The following MTCL1 variants were observed in gnomAD, a reference collection of about 807,000 sequenced individuals.
MTCL1 encodes the protein microtubule crosslinking factor 1.
Under a neutral mutation model 141.4 loss-of-function variants are expected in MTCL1, and 79 were observed. That is an observed-to-expected ratio of 0.56 (90% CI 0.47 to 0.67). The LOEUF (loss-of-function observed/expected upper bound fraction) is 0.67, where lower values mean the gene tolerates loss of function less well. Among genes scored for constraint, MTCL1 ranks in the 30% least tolerant of loss-of-function variants. The pLI, the probability that MTCL1 is intolerant of heterozygous loss-of-function variation, is 0.00. For missense variants in MTCL1, 2,177 were observed against 2,113.9 expected, an observed-to-expected ratio of 1.03 and a Z score of -0.59; for synonymous variants, 914 against 875.8, an observed-to-expected ratio of 1.04 and a Z score of -0.77.
intron 11 of MTCL1, chr18:8,812,751 A>G (rs2076529850): frequency 1.9e-6 from 1 of 513,394 alleles, no homozygotes; most frequent in Non-Finnish European, 3.5e-6. Context: ...AAAGTGGAGC[A>G]GGGAAGCTGG....
chr18:8,831,465 A>C lies in MTCL1; in HGVS notation c.*19-142A>C. ...TTATTTTAAGTTATTCTGCATGAGC[A>C]TAGAAAGTAGTTAATATTCACGAGT... On this transcript the variant is annotated intron_variant, in intron 16 of 16. Coordinates refer to ENST00000359865, the Ensembl canonical transcript of MTCL1. The C allele has an allele frequency of 2.1e-6, 3 of 1,444,500 alleles. No homozygotes were observed. In the South Asian group the frequency reaches 4.5e-5, roughly 22 times the overall value. The allele number at this position is 1,444,500 out of a possible 1,614,324, so 89.5% of individuals were successfully genotyped here.
At chr18:8,751,348 G>A (rs2096370221) in intron 4 of MTCL1, among the ~76,000 whole-genome samples, 1 of 152,160 alleles carries the variant, frequency 6.6e-6, no homozygotes, top group South Asian at 2.1e-4. Flanking sequence ...CATTAAACAT[G>A]CCTCTTTTGG....
intron 5 of MTCL1, among the ~76,000 whole-genome samples, chr18:8,780,063 C>T (rs776083069): frequency 3.9e-5 from 6 of 152,178 alleles, no homozygotes; most frequent in Non-Finnish European, 8.8e-5. Context: ...CAGATAAGCA[C>T]GTATAACCTC....
chr18:8,812,360 C>T (rs1021186064), intron 11 of MTCL1, among the ~76,000 whole-genome samples: 2 of 152,152 alleles, frequency 1.3e-5, no homozygotes, highest in Admixed American at 6.5e-5. Flanking sequence ...TTTCTGCGTA[C>T]AGAATTGTGT....
intron 15 of MTCL1, among the ~76,000 whole-genome samples, chr18:8,826,665 C>G (rs1394542234): frequency 6.6e-6 from 1 of 152,186 alleles, no homozygotes; most frequent in African/African-American, 2.4e-5. Context: ...GTCTGGACCA[C>G]ATGAGCACGA....
chr18:8,830,512 C>G lies in MTCL1; in HGVS notation c.*19-1095C>G. The G allele has an allele frequency of 1.0e-6, 1 of 986,122 alleles. No individual in the cohort carries two copies. Among genetic ancestry groups the G allele is most frequent in the Non-Finnish European group, 1.2e-6 (1 of 830,470 alleles). 61.1% of individuals were successfully genotyped at this position (986,122 alleles called of 1,614,324 possible). Reference sequence around the variant, plus strand: ...AGTGACACTGCCCATTCCGTGCAGCCGTCTGTCCTTCCCCCGCTGCTGCTC... The same window carrying G: ...AGTGACACTGCCCATTCCGTGCAGCGGTCTGTCCTTCCCCCGCTGCTGCTC... On this transcript the variant is annotated intron_variant, in intron 16 of 16. Coordinates refer to ENST00000359865, the Ensembl canonical transcript of MTCL1. The surrounding 1 kb of genome is among the most constrained non-coding windows in gnomAD (Gnocchi z 6.4).
intron 11 of MTCL1, 54 bp downstream of exon 10, chr18:8,807,114 GAT>G: frequency 3.2e-6 from 5 of 1,547,640 alleles, no homozygotes; most frequent in Non-Finnish European, 4.4e-6. Context: ...TGCTGTCCAG[GAT>G]ATGTGGCGGG....
chr18:8,767,812 CA>C (rs1219261107), intron 4 of MTCL1, among the ~76,000 whole-genome samples: 1 of 151,104 alleles, frequency 6.6e-6, no homozygotes, highest in Admixed American at 6.6e-5. Flanking sequence ...AATCTATAAA[CA>C]AAAACATAAA....
At chr18:8,717,066 T>C (rs1277188973), upstream of MTCL1, among the ~76,000 whole-genome samples, 2 of 152,198 alleles carry the variant, frequency 1.3e-5, no homozygotes. Context: ...TTGTAAGTGT[T>C]CACTGGCGCA....
chr18:8,705,609 C>CCGTCGT (rs1237143029), upstream of MTCL1: 191 of 1,191,286 alleles, frequency 1.6e-4, 3 homozygotes, highest in African/African-American at 2.0e-3. This position sits in a 1 kb window ranked among gnomAD's most constrained non-coding sequence, Gnocchi z 5.2. Context: ...GCCGCCGCCG[C>CCGTCGT]CGTCGTCGTC....
chr18:8,791,510 G>A (rs1488425239), intron 7 of MTCL1, among the ~76,000 whole-genome samples: 1 of 150,524 alleles, frequency 6.6e-6, no homozygotes, highest in African/African-American at 2.5e-5. Flanking sequence ...ACACAAGTTG[G>A]CAGACACGGC....
intron 4 of MTCL1, among the ~76,000 whole-genome samples, chr18:8,771,733 A>G (rs1162826054): frequency 6.6e-6 from 1 of 152,230 alleles, no homozygotes; most frequent in Admixed American, 6.5e-5. Flanking sequence ...TCAGCAAGGC[A>G]TCAGCTTTAG....
intron 4 of MTCL1, among the ~76,000 whole-genome samples, chr18:8,725,984 G>A (rs2096207842): frequency 6.6e-6 from 1 of 151,422 alleles, no homozygotes. Context: ...GTAGAGACAG[G>A]GTTTCACCAT....
intron 4 of MTCL1, among the ~76,000 whole-genome samples, chr18:8,752,304 A>G (rs1394935389): frequency 6.6e-6 from 1 of 152,250 alleles, no homozygotes; most frequent in Non-Finnish European, 1.5e-5. Context: ...CAAAGTACTG[A>G]GCAGTGGTTT....
chr18:8,764,762 A>T (rs2096451745), intron 4 of MTCL1, among the ~76,000 whole-genome samples: 1 of 152,210 alleles, frequency 6.6e-6, no homozygotes, highest in South Asian at 2.1e-4. Flanking sequence ...TGGTTGCTGG[A>T]CAACTGAGAC....
chr18:8,788,538 T>C (rs938888290), intron 7 of MTCL1, among the ~76,000 whole-genome samples: 1 of 152,236 alleles, frequency 6.6e-6, no homozygotes, highest in Non-Finnish European at 1.5e-5. Context: ...TTTTGAAAGA[T>C]TGAGGCATTT....
intron 4 of MTCL1, among the ~76,000 whole-genome samples, chr18:8,762,640 G>A (rs995985836): frequency 1.3e-5 from 2 of 152,252 alleles, no homozygotes; most frequent in Non-Finnish European, 2.9e-5. Context: ...CCACCCTTGA[G>A]GACAGAGCGG....
At chr18:8,717,892 A>G in intron 1 of MTCL1, 2 of 990,528 alleles carry the variant, frequency 2.0e-6, no homozygotes, top group Non-Finnish European at 2.4e-6. Context: ...AAAATGTCTC[A>G]TTTGTGGATA....
intron 3 of MTCL1, chr18:8,720,065 G>A (rs867249181): frequency 3.1e-6 from 1 of 325,828 alleles, no homozygotes; most frequent in Non-Finnish European, 5.6e-6. Flanking sequence ...AGTTTGGGGG[G>A]GTTGGATACC....
Sources: gnomAD v4.1 joint callset for allele counts (sites outside exome capture counted in the v4.1 genomes callset) on GRCh38, gnomAD v4.1.1 for gene constraint, Gnocchi (gnomAD v3.1) non-coding constraint, MANE v1.5 for transcripts, NCBI Gene and HGNC (gene_info 2026-07-23, HGNC 2026-07-21) for gene names.